The following NLK variants were observed in gnomAD, a reference collection of about 807,000 sequenced individuals.
NLK encodes the protein nemo like kinase, also known as serine/threonine-protein kinase NLK.
A neutral mutation model predicts 59.0 loss-of-function variants in NLK; 11 were observed. The observed-to-expected ratio is 0.19, with a 90% CI of 0.12 to 0.31. NLK has a LOEUF of 0.31. NLK is among the 10% of genes least tolerant of loss of function. The pLI is 1.00. For missense variants in NLK, 410 were observed against 661.1 expected (o/e 0.62, Z 4.16); for synonymous variants, 235 against 235.9 (o/e 1.00, Z 0.03).
intron 1 of NLK, among the ~76,000 whole-genome samples, chr17:28,050,591 A>G (rs1276089632): frequency 6.6e-6 from 1 of 152,100 alleles, no homozygotes; most frequent in Non-Finnish European, 1.5e-5. Context: ...TAAGTAAGAG[A>G]GACTTCGTCA....
intron 3 of NLK, among the ~76,000 whole-genome samples, chr17:28,147,692 T>TAATA (rs1907314132): frequency 1.3e-5 from 2 of 152,218 alleles, no homozygotes; most frequent in African/African-American, 2.4e-5. Context: ...CTCTAATATG[T>TAATA]TCCCACCTAA....
chr17:28,043,171 G>C lies in NLK; in HGVS notation c.298G>C (p.Gly100Arg). The change falls in exon 1 of 11, where the codon GGG becomes CGG. Residue 100 changes from glycine to arginine, a missense_variant. Transcript: ENST00000407008. ...GCCATATTTCCCATCACCGGCACCG[G>C]GGCAGGCTCCTGGACCAGCTGCAGC... ...QQPYFPSPAPGQAPGPAAAAP... is the reference protein window; with the variant it reads ...QQPYFPSPAPRQAPGPAAAAP... The C allele has an allele frequency of 6.2e-7, 1 of 1,613,868 alleles. No homozygotes were observed. Among genetic ancestry groups the C allele is most frequent in the East Asian group, 2.2e-5 (1 of 44,874 alleles).
chr17:28,185,254 G>T lies in NLK; in HGVS notation c.1225G>T (p.Val409Phe), dbSNP rs1281692818. The T allele has an allele frequency of 1.3e-6, 2 of 1,576,416 alleles. No individual in the cohort carries two copies. Among genetic ancestry groups the T allele is most frequent in the Non-Finnish European group, 1.7e-6 (2 of 1,158,150 alleles). Reference protein sequence around the residue: ...EAVHLLCRMLVFDPSKRISAK... With the variant: ...EAVHLLCRMLFFDPSKRISAK... ...TGTTCATCTCCTTTGCAGGATGTTG[G>T]TCTTTGATCCAGTAAGTAGTGTTTT... Residue 409 changes from valine to phenylalanine, a missense_variant, in exon 8 of 11, where the codon GTC becomes TTC. Coordinates refer to ENST00000407008, the MANE Select transcript of NLK (RefSeq NM_016231.5).
intron 2 of NLK, among the ~76,000 whole-genome samples, chr17:28,131,549 A>G (rs1220031945): frequency 1.4e-5 from 2 of 140,622 alleles, no homozygotes; most frequent in African/African-American, 2.7e-5. Context: ...TCTCTATACT[A>G]TTCTGCCCAC....
intron 3 of NLK, among the ~76,000 whole-genome samples, chr17:28,150,468 C>T (rs1045476089): frequency 6.6e-6 from 1 of 152,078 alleles, no homozygotes; most frequent in Non-Finnish European, 1.5e-5. Context: ...GGAATGTGAC[C>T]TTAGGTAAAG....
Position 28,107,434 on chromosome 17 carries a change from C to CA in NLK, c.459-15157dup, listed in dbSNP as rs202119739. 5.2e-3 allele frequency among the ~76,000 whole-genome samples: 683 copies of CA among 131,948 alleles called. 7 individuals carry two copies. The highest frequency in any genetic ancestry group is 0.016 in the African/African-American group (578 of 35,534). 86.6% of individuals were successfully genotyped at this position (131,948 alleles called of 152,430 possible). ...GGGCAACGAGAGCGAAACTCTGTCT[C>CA]AAAAAAAAAAAAGAAAAGAAATAAA... On this transcript the variant is annotated intron_variant, in intron 1 of 10. Coordinates refer to ENST00000407008, the MANE Select transcript of NLK (RefSeq NM_016231.5).
rs553841912 is a variant in NLK, at chr17:28,052,046, T to C, written c.458+8715T>C. 8.0e-4 allele frequency among the ~76,000 whole-genome samples: 122 copies of C among 152,304 alleles called. 1 individual carries two copies. Among genetic ancestry groups the C allele is most frequent in the Middle Eastern group, 3.4e-3 (1 of 294 alleles). The stretch of plus-strand genomic sequence containing the variant: ...TCATCAAGAGACTTGTTTTCTTCTA[T>C]TACTGAGTTATTGGTAAGGATTATA... On this transcript the variant is annotated intron_variant, in intron 1 of 10. Coordinates refer to ENST00000407008, the MANE Select transcript of NLK (RefSeq NM_016231.5).
chr17:28,181,570 T>TAA (rs1013996311), intron 7 of NLK, among the ~76,000 whole-genome samples: 4 of 134,756 alleles, frequency 3.0e-5, no homozygotes, highest in East Asian at 2.1e-4. Context: ...CTCTGTCTCT[T>TAA]AAAAAAAAAA....
chr17:28,094,556 C>T (rs973633055), intron 1 of NLK, among the ~76,000 whole-genome samples: 2 of 152,096 alleles, frequency 1.3e-5, no homozygotes, highest in African/African-American at 2.4e-5. Context: ...AGTCAGTCAT[C>T]AAAAGATTAA....
chr17:28,134,699 G>C (rs1906666075), intron 3 of NLK, among the ~76,000 whole-genome samples: 2 of 152,334 alleles, frequency 1.3e-5, no homozygotes, highest in East Asian at 3.9e-4. Flanking sequence ...GCAGTGAAGG[G>C]TTATTGGACT....
At chr17:28,107,696 G>T (rs1245460915) in intron 1 of NLK, among the ~76,000 whole-genome samples, 1 of 152,088 alleles carries the variant, frequency 6.6e-6, no homozygotes, top group Non-Finnish European at 1.5e-5. Flanking sequence ...TTCAGGATTG[G>T]TTCAGTGTAA....
chr17:28,202,245 T>A, the NLK span, among the ~76,000 whole-genome samples: 2 of 152,270 alleles, frequency 1.3e-5, no homozygotes, highest in African/African-American at 4.8e-5. Context: ...AAAATTTTTT[T>A]AAAAATTAGC....
chr17:28,064,256 G>A (rs1267003376), intron 1 of NLK, among the ~76,000 whole-genome samples: 1 of 135,534 alleles, frequency 7.4e-6, no homozygotes, highest in East Asian at 2.3e-4. Flanking sequence ...TTCCCATCTT[G>A]GTCTCATGAG....
At chr17:28,124,403 C>G (rs1183677204) in intron 2 of NLK, among the ~76,000 whole-genome samples, 3 of 151,990 alleles carry the variant, frequency 2.0e-5, no homozygotes, top group Non-Finnish European at 1.5e-5. Context: ...TGGCACACAT[C>G]TGTAGTCTCA....
chr17:28,077,366 C>T (rs770986903), intron 1 of NLK, among the ~76,000 whole-genome samples: 1 of 151,924 alleles, frequency 6.6e-6, no homozygotes, highest in Non-Finnish European at 1.5e-5. Context: ...CTGATAAAAC[C>T]ATCAGATCTC....
chr17:28,146,107 C>T (rs977813040), intron 3 of NLK, among the ~76,000 whole-genome samples: 4 of 152,084 alleles, frequency 2.6e-5, no homozygotes, highest in African/African-American at 4.8e-5. Context: ...CACATTCATA[C>T]ATTTTGAAAA....
intron 7 of NLK, among the ~76,000 whole-genome samples, chr17:28,179,731 CAAAG>C (rs1180300183): frequency 6.6e-6 from 1 of 151,894 alleles, no homozygotes; most frequent in Non-Finnish European, 1.5e-5. Flanking sequence ...GAGACTCAAA[CAAAG>C]AGACAGGATC....
At chr17:28,069,360 C>G (rs1909934401) in intron 1 of NLK, among the ~76,000 whole-genome samples, 1 of 152,070 alleles carries the variant, frequency 6.6e-6, no homozygotes. Flanking sequence ...TTACATAAGT[C>G]TTTTTATGGA....
chr17:28,082,385 CAT>C lies in NLK; in HGVS notation c.458+39056_458+39057del, dbSNP rs143165325. Among the ~76,000 whole-genome samples, 3 of 152,306 alleles carry C rather than the reference CAT, an allele frequency of 2.0e-5. No homozygotes were observed. The East Asian group carries it at 5.8e-4, about 29-fold the overall frequency. On this transcript the variant is annotated intron_variant, in intron 1 of 10. Transcript: ENST00000407008. ...GGGAGGGATGTGTGTGCTAGCATAA[CAT>C]AAAACTTTCATTTGAGTTACCTGAA...
Sources: allele counts gnomAD v4.1 joint callset (sites outside exome capture counted in the v4.1 genomes callset), GRCh38; gene constraint gnomAD v4.1.1; transcripts MANE v1.5; gene names NCBI Gene and HGNC (gene_info 2026-07-23, HGNC 2026-07-21).